ZNF594: variants seen among roughly 807,000 people sequenced by gnomAD.
The protein encoded by ZNF594 is zinc finger protein HZF18.
For missense variants in ZNF594, 1,037 were observed against 964.6 expected, an observed-to-expected ratio of 1.08 and a Z score of -0.99; for synonymous variants, 336 against 309.4, an observed-to-expected ratio of 1.09 and a Z score of -0.90.
At position 5,180,886 on chromosome 17, in the gene ZNF594, G is replaced by A. The variant is rs1256711434; in HGVS notation, c.*947C>T. 5 of 537,386 alleles carry A rather than the reference G, an allele frequency of 9.3e-6. No homozygotes were observed. Among genetic ancestry groups the A allele is most frequent in the South Asian group, 1.9e-5 (1 of 54,028 alleles). The allele number at this position is 537,386 out of a possible 1,614,324, so 33.3% of individuals were successfully genotyped here. On this transcript the variant is annotated 3_prime_UTR_variant, in exon 2 of 2. Transcript: ENST00000575779. ...AAACTCATTTGTAGTGCAATAAGAT[G>A]TGGTCTCCATCAGACTTTTCCTAGT...
At chr17:5,185,348 C>T (rs542298829) in intron 1 of ZNF594, among the ~76,000 whole-genome samples, 1 of 152,290 alleles carries the variant, frequency 6.6e-6, no homozygotes, top group Admixed American at 6.5e-5. Flanking sequence ...AAGCAGAAAC[C>T]CCTGATAAAA....
rs191018709 is a variant in ZNF594, at chr17:5,181,327, C to T, written c.*506G>A. 2 of 1,612,724 alleles carry T rather than the reference C, an allele frequency of 1.2e-6. No homozygotes were observed. The highest frequency in any genetic ancestry group is 1.3e-5 in the African/African-American group (1 of 74,922). On this transcript the variant is annotated 3_prime_UTR_variant, in exon 2 of 2. Transcript: ENST00000575779. ...TCTTTACATTCATATGGTTTCTCTCCTGTATGAGTTACCTGATGTCCGATG... is the reference window on the plus strand; with the variant it reads ...TCTTTACATTCATATGGTTTCTCTCTTGTATGAGTTACCTGATGTCCGATG...
At chr17:5,179,478 A>C (rs1432060018), downstream of ZNF594, 1 of 158,200 alleles carries the variant, frequency 6.3e-6, no homozygotes, top group Admixed American at 6.6e-5. Context: ...AACAATGACT[A>C]TCTTTCTTCA....
In ZNF594 at chr17:5,181,708, C is replaced by T. The variant is rs1293811394; in HGVS notation, c.*125G>A. The T allele has an allele frequency of 1.3e-6, 2 of 1,583,156 alleles. No homozygotes were observed. The highest frequency in any genetic ancestry group is 1.7e-5 in the Admixed American group (1 of 59,972). On this transcript the variant is annotated 3_prime_UTR_variant, in exon 2 of 2. Transcript: ENST00000575779. ...TGGGACCTCTGGCTAAAGACTTTCC[C>T]ACATTCACTACATTCATGAGGTTTC...
intron 1 of ZNF594, among the ~76,000 whole-genome samples, chr17:5,187,375 C>T (rs1434012965): frequency 6.6e-6 from 1 of 152,192 alleles, no homozygotes; most frequent in Non-Finnish European, 1.5e-5. Context: ...AGGTCCCTCC[C>T]ACAACATATG....
rs58946951 is a variant in ZNF594, at chr17:5,182,737, C to T, written c.1520G>A (p.Arg507Gln). The part of the protein sequence containing the change: ...FRRRSLLIQH[R>Q]RIHSGEKPYE... ...GGGTTTCTCACCACTATGAATTCTC[C>T]GATGTTGAATAAGGAGTGAACGCCG... Residue 507 changes from arginine to glutamine, a missense_variant, in exon 2 of 2, where the codon CGG becomes CAG. Coordinates refer to ENST00000575779, the MANE Select transcript of ZNF594 (RefSeq NM_032530.2). 2.9e-3 allele frequency: 4,709 copies of T among 1,613,746 alleles called. 130 individuals carry two copies. The African/African-American group carries it at 0.054, about 19-fold the overall frequency.
At position 5,183,179 on chromosome 17, in the gene ZNF594, C is replaced by G. The variant is rs1381334352; in HGVS notation, c.1078G>C (p.Asp360His). Residue 360 changes from aspartate to histidine, a missense_variant, in exon 2 of 2, where the codon GAT (aspartate) becomes CAT (histidine). Asp to His is a moderately conservative substitution (Grantham distance 81). Transcript: ENST00000575779. ...IEECEKTFSK[D>H]EELREEQRIH... The stretch of plus-strand genomic sequence containing the variant: ...CTCTGCTCTTCCCTAAGCTCCTCAT[C>G]CTTGCTGAAGGTTTTCTCACATTCT... 6.2e-6 allele frequency: 10 copies of G among 1,614,172 alleles called. No homozygotes were observed. The highest frequency in any genetic ancestry group is 8.5e-6 in the Non-Finnish European group (10 of 1,180,030).
At chr17:5,177,275 GA>G (rs1405336700), downstream of ZNF594, among the ~76,000 whole-genome samples, 1 of 151,768 alleles carries the variant, frequency 6.6e-6, no homozygotes, top group Non-Finnish European at 1.5e-5. Flanking sequence ...AGGCAAAGAG[GA>G]AAGACACAGA....
downstream of ZNF594, among the ~76,000 whole-genome samples, chr17:5,176,476 CAG>C (rs1345396440): frequency 5.5e-5 from 8 of 146,042 alleles, no homozygotes; most frequent in Non-Finnish European, 1.1e-4. Context: ...AACAAACAAA[CAG>C]AAAATTAATA....
chr17:5,189,521 G>C (rs1428499992), intron 1 of ZNF594, among the ~76,000 whole-genome samples: 2 of 150,644 alleles, frequency 1.3e-5, no homozygotes, highest in Non-Finnish European at 3.0e-5. Flanking sequence ...TTACAGGCGT[G>C]AGCCACTGTG....
rs2074333586 is a variant in ZNF594, at chr17:5,180,796, T to C, written c.*1037A>G. The stretch of plus-strand genomic sequence containing the variant: ...TTTGGCTTTTCCACTTGATTATACT[T>C]ACGTTTGAAAAATCCAGTAGGTATT... On this transcript the variant is annotated 3_prime_UTR_variant, in exon 2 of 2. Transcript: ENST00000575779. 2.8e-6 allele frequency: 1 copy of C among 361,060 alleles called. No homozygotes were observed. Among genetic ancestry groups the C allele is most frequent in the Non-Finnish European group, 5.3e-6 (1 of 189,546 alleles). 22.4% of individuals were successfully genotyped at this position (361,060 alleles called of 1,614,324 possible). A position where few individuals can be genotyped will look rare whatever the true frequency, so the allele number is the denominator to read the frequency against.
intron 1 of ZNF594, among the ~76,000 whole-genome samples, chr17:5,190,317 G>A (rs1038636681): frequency 2.6e-5 from 4 of 152,136 alleles, no homozygotes; most frequent in Middle Eastern, 3.2e-3. Context: ...GCAGTGAGCC[G>A]AGATCGCACC....
rs1250037813 is a variant in ZNF594 at position 5,183,588 on chromosome 17, G to A, written c.669C>T (p.Ser223=). The A allele has an allele frequency of 1.9e-6, 3 of 1,614,042 alleles. No homozygotes were observed. Among genetic ancestry groups the A allele is most frequent in the Non-Finnish European group, 2.5e-6 (3 of 1,180,038 alleles). The change falls in exon 2 of 2, where the codon AGC becomes AGT. Residue 223 remains serine, a synonymous_variant. Coordinates refer to ENST00000575779, the MANE Select transcript of ZNF594 (RefSeq NM_032530.2). ...CKECGKAFKG[S]SNLVLHQRIH... is the part of the protein sequence containing the mutation. ...TTCTCTGGTGCAGGACAAGGTTTGA[G>A]CTTCCCTTAAAAGCCTTCCCACACT...
At position 5,180,239 on chromosome 17, in the gene ZNF594, T is replaced by C. The variant is rs1214984828; in HGVS notation, c.*1594A>G. 1 of 152,016 alleles carries C rather than the reference T, an allele frequency of 6.6e-6. No individual in the cohort carries two copies. The highest frequency in any genetic ancestry group is 1.5e-5 in the Non-Finnish European group (1 of 68,044). 9.4% of individuals were successfully genotyped at this position (152,016 alleles called of 1,614,324 possible). On this transcript the variant is annotated 3_prime_UTR_variant, in exon 2 of 2. Coordinates refer to ENST00000575779, the MANE Select transcript of ZNF594 (RefSeq NM_032530.2). ...CCATGCCTGGCTAATTTTTGTTATT[T>C]TTAGTAGAGACGGGGTTTTAGTATG...
At chr17:5,188,429 T>A (rs1293713191) in intron 1 of ZNF594, among the ~76,000 whole-genome samples, 1 of 152,174 alleles carries the variant, frequency 6.6e-6, no homozygotes, top group Non-Finnish European at 1.5e-5. Flanking sequence ...TGGGCTCAAT[T>A]TCCTCTGTTT....
rs1162044645 is a variant in ZNF594 at position 5,183,776 on chromosome 17, C to T, written c.481G>A (p.Gly161Arg). The change falls in exon 2 of 2, where the codon GGG becomes AGG. Residue 161 changes from glycine (G) to arginine (R), a missense_variant. Physicochemically the swap from Gly to Arg is moderately radical, Grantham distance 125. Coordinates refer to ENST00000575779, the MANE Select transcript of ZNF594 (RefSeq NM_032530.2). Reference protein sequence around the residue: ...GNKPYVCNECGKDSNQSSNLI... With the variant: ...GNKPYVCNECRKDSNQSSNLI... ...TTTGAACTTTGATTAGAGTCTTTCC[C>T]ACATTCATTACACACATATGGCTTA... 6.2e-7 allele frequency: 1 copy of T among 1,613,350 alleles called. No individual in the cohort carries two copies. The highest frequency in any genetic ancestry group is 1.7e-5 in the Admixed American group (1 of 60,012).
Position 5,182,508 on chromosome 17 carries a change from G to C in ZNF594, c.1749C>G (p.Leu583=). The change falls in exon 2 of 2, where the codon CTC becomes CTG. Residue 583 remains leucine, a synonymous_variant. Coordinates refer to ENST00000575779, the MANE Select transcript of ZNF594 (RefSeq NM_032530.2). ...CGRAFQGSSD[L]IRHQVTHTRE... ...TTGTATGAGTTACCTGATGTCTGATGAGGTCTGAGCTGCCCTGGAAAGCCC... is the reference window on the plus strand; with the variant it reads ...TTGTATGAGTTACCTGATGTCTGATCAGGTCTGAGCTGCCCTGGAAAGCCC... 1 of 1,614,030 alleles carries C rather than the reference G, an allele frequency of 6.2e-7. No homozygotes were observed. The highest frequency in any genetic ancestry group is 8.5e-7 in the Non-Finnish European group (1 of 1,180,012).
chr17:5,181,767 T>A lies in ZNF594; in HGVS notation c.*66A>T. On this transcript the variant is annotated 3_prime_UTR_variant, in exon 2 of 2. Transcript: ENST00000575779. ...ATGAACACGATGGTGTTTAATAAGA[T>A]CTGAGCTGCTCCTAAAAGATTCCCC... is the stretch of plus-strand genomic sequence containing the variant. 2 of 1,606,206 alleles carry A rather than the reference T, an allele frequency of 1.2e-6. No homozygotes were observed. Among genetic ancestry groups the A allele is most frequent in the South Asian group, 2.2e-5 (2 of 90,898 alleles).
At chr17:5,188,695 A>G (rs1214897991) in intron 1 of ZNF594, among the ~76,000 whole-genome samples, 1 of 152,174 alleles carries the variant, frequency 6.6e-6, no homozygotes, top group Admixed American at 6.5e-5. Context: ...ATAAAAGCCT[A>G]AAGAAGAGAT....
Sources: allele counts gnomAD v4.1 joint callset (sites outside exome capture counted in the v4.1 genomes callset), GRCh38; gene constraint gnomAD v4.1.1; transcripts MANE v1.5; gene names NCBI Gene and HGNC (gene_info 2026-07-23, HGNC 2026-07-21).